Variants in ZNF239 observed in about 807,000 individuals in gnomAD.
ZNF239 encodes zinc finger protein 239.
ZNF239 carries 16 observed loss-of-function variants against 27.5 expected under a neutral mutation model. The observed-to-expected ratio is 0.58, with a 90% CI of 0.39 to 0.88. The LOEUF (loss-of-function observed/expected upper bound fraction) is 0.88. Ranked by LOEUF, ZNF239 falls within the 40% of genes least tolerant of loss-of-function variation. The probability of loss-of-function intolerance (pLI) is 0.00; values close to 1 mark genes in which losing one functional copy is unlikely to be tolerated. For missense variants in ZNF239, 527 were observed against 551.9 expected (o/e 0.95, Z 0.45); for synonymous variants, 199 against 192.6 (o/e 1.03, Z -0.27).
chr10:43,564,541 T>A (rs7089577), intron 3 of ZNF239, among the ~76,000 whole-genome samples: 67,617 of 151,888 alleles, frequency 0.45, 15,222 homozygotes, highest in Admixed American at 0.48. Flanking sequence ...AAATTTTTTT[T>A]AAAAAATTTT....
intron 2 of ZNF239, among the ~76,000 whole-genome samples, chr10:43,572,524 C>T (rs759216023): frequency 6.6e-6 from 1 of 152,150 alleles, no homozygotes; most frequent in Non-Finnish European, 1.5e-5. Context: ...GATGTGATGA[C>T]CTGTTTAGTT....
Position 43,556,624 on chromosome 10 carries a change from T to C in ZNF239, c.*79A>G, listed in dbSNP as rs1280169366. 1.4e-5 allele frequency: 21 copies of C among 1,496,140 alleles called. No homozygotes were observed. The highest frequency in any genetic ancestry group is 1.9e-5 in the Non-Finnish European group (21 of 1,114,774). 92.7% of individuals were successfully genotyped at this position (1,496,140 alleles called of 1,614,324 possible). A position where few individuals can be genotyped will look rare whatever the true frequency, so the allele number is the denominator to read the frequency against. On this transcript the variant is annotated 3_prime_UTR_variant, in exon 4 of 4. Coordinates refer to ENST00000374446, the MANE Select transcript of ZNF239 (RefSeq NM_001099282.2). Reference sequence around the variant, plus strand: ...CCTTACATCTCTCTCCTTTGTAGAATATAAAGTAAGAGTGATACTAAATAT... The same window carrying C: ...CCTTACATCTCTCTCCTTTGTAGAACATAAAGTAAGAGTGATACTAAATAT...
intron 3 of ZNF239, among the ~76,000 whole-genome samples, chr10:43,565,629 C>G (rs909041538): frequency 7.9e-5 from 12 of 151,784 alleles, no homozygotes; most frequent in African/African-American, 2.9e-4. Flanking sequence ...GCCTGGCTAA[C>G]ATGGTGAAAC....
At chr10:43,562,891 G>A (rs7092156) in intron 3 of ZNF239, among the ~76,000 whole-genome samples, 81,193 of 152,054 alleles carry the variant, frequency 0.53, 21,951 homozygotes, top group South Asian at 0.61. Flanking sequence ...CAGCCATATC[G>A]TACAATACTT....
Position 43,557,867 on chromosome 10 carries a change from T to C in ZNF239, c.213A>G (p.Gln71=). ...TCACTGAAGAGTCTTGTGTGTCTAT[T>C]TGGCTTGAGACTTTCAAAGGCAAAT... ...ETYLPLKVSS[Q]IDTQDSSVKF... Residue 71 remains glutamine (Q), a synonymous_variant, in exon 4 of 4, where the codon CAA becomes CAG. Coordinates refer to ENST00000374446, the MANE Select transcript of ZNF239 (RefSeq NM_001099282.2). 4 of 1,614,238 alleles carry C rather than the reference T, an allele frequency of 2.5e-6. No homozygotes were observed. The highest frequency in any genetic ancestry group is 3.4e-6 in the Non-Finnish European group (4 of 1,180,032).
chr10:43,557,088 C>T lies in ZNF239; in HGVS notation c.992G>A (p.Arg331His), dbSNP rs774505665. Reference protein sequence around the residue: ...CEECGMSFSQRSNLHIHQRVH... With the variant: ...CEECGMSFSQHSNLHIHQRVH... ...TCGCTGGTGGATGTGCAGGTTTGAGCGCTGACTGAAGCTCATACCACACTC... is the reference window on the plus strand; with the variant it reads ...TCGCTGGTGGATGTGCAGGTTTGAGTGCTGACTGAAGCTCATACCACACTC... Residue 331 changes from arginine (R) to histidine (H), a missense_variant, in exon 4 of 4, where the codon CGC becomes CAC. Arg to His is a conservative substitution (Grantham distance 29). Transcript: ENST00000374446. The T allele has an allele frequency of 1.5e-5, 24 of 1,613,774 alleles. No homozygotes were observed. Among genetic ancestry groups the T allele is most frequent in the East Asian group, 8.9e-5 (4 of 44,866 alleles).
intron 3 of ZNF239, among the ~76,000 whole-genome samples, chr10:43,561,056 T>C (rs1588791141): frequency 6.6e-6 from 1 of 152,126 alleles, no homozygotes; most frequent in African/African-American, 2.4e-5. Context: ...ATGAGTTAAA[T>C]AGTAAAATGA....
chr10:43,557,094 C>G lies in ZNF239; in HGVS notation c.986G>C (p.Ser329Thr), dbSNP rs1156585130. Residue 329 changes from serine to threonine, a missense_variant, in exon 4 of 4, where the codon AGT becomes ACT. Ser to Thr is a moderately conservative substitution (Grantham distance 58). Transcript: ENST00000374446. Reference sequence around the variant, plus strand: ...GTGGATGTGCAGGTTTGAGCGCTGACTGAAGCTCATACCACACTCCTCACA... The same window carrying G: ...GTGGATGTGCAGGTTTGAGCGCTGAGTGAAGCTCATACCACACTCCTCACA... ...YECEECGMSFSQRSNLHIHQR... is the reference protein window; with the variant it reads ...YECEECGMSFTQRSNLHIHQR... 6 of 1,612,742 alleles carry G rather than the reference C, an allele frequency of 3.7e-6. No homozygotes were observed. Among genetic ancestry groups the G allele is most frequent in the African/African-American group, 1.3e-5 (1 of 74,736 alleles).
intron 1 of ZNF239, among the ~76,000 whole-genome samples, chr10:43,574,173 A>C (rs1378446692): frequency 1.3e-5 from 2 of 151,014 alleles, no homozygotes; most frequent in Admixed American, 6.6e-5. Context: ...TCCACCGAAA[A>C]CCCCCCTGCA....
chr10:43,569,188 C>G (rs1837874578), intron 2 of ZNF239, among the ~76,000 whole-genome samples: 1 of 152,250 alleles, frequency 6.6e-6, no homozygotes, highest in East Asian at 1.9e-4. Flanking sequence ...TCACCTATCA[C>G]CCACCTCCTT....
intron 2 of ZNF239, chr10:43,570,126 C>A: frequency 1.0e-6 from 1 of 975,804 alleles, no homozygotes; most frequent in Non-Finnish European, 1.2e-6. Flanking sequence ...TAAAGAGGCA[C>A]CACTCCCTCC....
chr10:43,570,588 A>G, intron 2 of ZNF239: 1 of 984,858 alleles, frequency 1.0e-6, no homozygotes, highest in Non-Finnish European at 1.2e-6. Context: ...TCTTCCATTC[A>G]GTTGTCTGGA....
chr10:43,570,309 G>A (rs1182227191), intron 2 of ZNF239: 1 of 985,228 alleles, frequency 1.0e-6, no homozygotes, highest in Non-Finnish European at 1.2e-6. Flanking sequence ...AAGCCCCGGA[G>A]TAAAGGTGGG....
chr10:43,568,792 G>A (rs778327972), intron 2 of ZNF239, among the ~76,000 whole-genome samples: 3 of 152,166 alleles, frequency 2.0e-5, no homozygotes, highest in African/African-American at 4.8e-5. Flanking sequence ...GCTCACGGCT[G>A]TAATCCCAGC....
intron 2 of ZNF239, among the ~76,000 whole-genome samples, chr10:43,573,418 G>A (rs1326150460): frequency 6.6e-6 from 1 of 152,032 alleles, no homozygotes; most frequent in Non-Finnish European, 1.5e-5. Flanking sequence ...ACTGCTCTGA[G>A]GAGTGGAATA....
At chr10:43,567,624 T>C (rs1193887962) in intron 3 of ZNF239, among the ~76,000 whole-genome samples, 3 of 152,334 alleles carry the variant, frequency 2.0e-5, no homozygotes, top group Admixed American at 6.5e-5. Context: ...TGCTATTATA[T>C]AATGATCTTT....
chr10:43,565,819 A>G (rs904685605), intron 3 of ZNF239, among the ~76,000 whole-genome samples: 2 of 6,274 alleles, frequency 3.2e-4, no homozygotes, highest in Admixed American at 1.8e-3. Context: ...CATCTCAAGA[A>G]AAAAAAAAAA....
In ZNF239 at chr10:43,565,817, G is replaced by GAAAAAAAAAAA. The variant is rs36039838; in HGVS notation, c.-93+2071_-93+2081dup. On this transcript the variant is annotated intron_variant, in intron 3 of 3. Coordinates refer to ENST00000374446, the MANE Select transcript of ZNF239 (RefSeq NM_001099282.2). Reference sequence around the variant, plus strand: ...GTGACAGAACAAGACTCCATCTCAAGAAAAAAAAAAAAAAAAAAAAAAAAA... The same window carrying GAAAAAAAAAAA: ...GTGACAGAACAAGACTCCATCTCAAGAAAAAAAAAAAAAAAAAAAAAAAAAAAAAAAAAAAA... Among the ~76,000 whole-genome samples the GAAAAAAAAAAA allele has an allele frequency of 1.9e-4, 13 of 67,148 alleles. 1 individual carries two copies. Among genetic ancestry groups the GAAAAAAAAAAA allele is most frequent in the South Asian group, 9.5e-4 (1 of 1,052 alleles). The allele number at this position is 67,148 out of a possible 152,430, so 44.1% of individuals were successfully genotyped here.
At chr10:43,574,322 G>A (rs879607180) in intron 1 of ZNF239, among the ~76,000 whole-genome samples, 4 of 152,180 alleles carry the variant, frequency 2.6e-5, no homozygotes, top group African/African-American at 9.7e-5. Context: ...CACAGGCTTC[G>A]GTGTGGCCGC....
Sources: allele counts gnomAD v4.1 joint callset (sites outside exome capture counted in the v4.1 genomes callset), GRCh38; gene constraint gnomAD v4.1.1; transcripts MANE v1.5; gene names NCBI Gene and HGNC (gene_info 2026-07-23, HGNC 2026-07-21).